Variants in LRP1B observed in about 807,000 individuals in gnomAD.
LRP1B encodes the protein LDL receptor related protein 1B.
LRP1B carries 217 observed loss-of-function variants against 556.6 expected under a neutral mutation model. The observed-to-expected ratio is 0.39, with a 90% CI of 0.35 to 0.44. LRP1B has a LOEUF of 0.44. Ranked by LOEUF, LRP1B falls within the 20% of genes least tolerant of loss-of-function variation. The pLI, the probability that LRP1B is intolerant of heterozygous loss-of-function variation, is 1.00. For synonymous variants in LRP1B, 2,047 were observed against 1,865.8 expected (o/e 1.10, Z -2.50); for missense variants, 5,053 against 5,620.8 (o/e 0.90, Z 3.23).
chr2:141,670,284 T>C (rs556704048), intron 2 of LRP1B, among the ~76,000 whole-genome samples: 6 of 152,284 alleles, frequency 3.9e-5, no homozygotes, highest in African/African-American at 1.4e-4. Flanking sequence ...TGGAACCAAG[T>C]AGGTGCTCAA....
chr2:141,203,042 C>G (rs1682108538), intron 6 of LRP1B, among the ~76,000 whole-genome samples: 1 of 151,882 alleles, frequency 6.6e-6, no homozygotes, highest in Non-Finnish European at 1.5e-5. Context: ...GAAGGAAGCA[C>G]TAAACATGGA....
intron 5 of LRP1B, among the ~76,000 whole-genome samples, chr2:141,242,438 C>A (rs551487368): frequency 6.6e-6 from 1 of 152,084 alleles, no homozygotes; most frequent in East Asian, 1.9e-4. Context: ...GATATGAAAA[C>A]GTTCCCTGAC....
intron 77 of LRP1B, among the ~76,000 whole-genome samples, chr2:140,348,116 G>C (rs1681777993): frequency 6.6e-6 from 1 of 151,862 alleles, no homozygotes; most frequent in African/African-American, 2.4e-5. Flanking sequence ...TATCTCAAAG[G>C]GGCTGTAGAA....
At chr2:141,640,719 G>A (rs572779777) in intron 2 of LRP1B, among the ~76,000 whole-genome samples, 45 of 152,190 alleles carry the variant, frequency 3.0e-4, no homozygotes, top group African/African-American at 1.0e-3. Flanking sequence ...TCTTGAACCC[G>A]GGAGGTGGAG....
intron 7 of LRP1B, among the ~76,000 whole-genome samples, chr2:141,155,495 T>A (rs900162268): frequency 1.3e-5 from 2 of 151,692 alleles, no homozygotes; most frequent in Admixed American, 6.6e-5. Context: ...TATTTTTTTT[T>A]ATTTTAAGTT....
chr2:140,496,913 ATTTATTTATTT>A (rs897068437), intron 55 of LRP1B, among the ~76,000 whole-genome samples: 1 of 150,284 alleles, frequency 6.7e-6, no homozygotes, highest in African/African-American at 2.4e-5. Context: ...TTATTTATTT[ATTTATTTATTT>A]ATTTATTTAT....
intron 1 of LRP1B, among the ~76,000 whole-genome samples, chr2:142,102,749 C>T (rs1250435522): frequency 6.6e-6 from 1 of 151,642 alleles, no homozygotes; most frequent in Non-Finnish European, 1.5e-5. Flanking sequence ...TAAATTTATT[C>T]TATGTGTCCA....
chr2:141,189,744 CTAATTT>C (rs1246023046), intron 6 of LRP1B, among the ~76,000 whole-genome samples: 2 of 152,056 alleles, frequency 1.3e-5, no homozygotes, highest in African/African-American at 4.8e-5. Flanking sequence ...TTTATCATAT[CTAATTT>C]TAATTAACTG....
At chr2:140,602,371 A>G (rs1682706549) in intron 41 of LRP1B, among the ~76,000 whole-genome samples, 1 of 152,166 alleles carries the variant, frequency 6.6e-6, no homozygotes, top group East Asian at 1.9e-4. Context: ...CTAGGGTAAC[A>G]TAAGTAGCTG....
chr2:140,639,516 C>A (rs1173990276), intron 41 of LRP1B, among the ~76,000 whole-genome samples: 1 of 152,110 alleles, frequency 6.6e-6, no homozygotes, highest in African/African-American at 2.4e-5. Context: ...GAGCTTCATT[C>A]GAATAGGTCA....
chr2:140,929,808 C>T lies in LRP1B; in HGVS notation c.3137-6661G>A, dbSNP rs1423558123. On this transcript the variant is annotated intron_variant, in intron 20 of 90. Transcript: ENST00000389484. Reference sequence around the variant, plus strand: ...CACACACACACACAGTTTTACTTCCCACTTCTCATTCTACTTCCTTACTAT... The same window carrying T: ...CACACACACACACAGTTTTACTTCCTACTTCTCATTCTACTTCCTTACTAT... Among the ~76,000 whole-genome samples the T allele has an allele frequency of 3.7e-5, 5 of 136,122 alleles. No individual in the cohort carries two copies. The Admixed American group carries it at 3.7e-4, about 10-fold the overall frequency. 89.3% of individuals were successfully genotyped at this position (136,122 alleles called of 152,430 possible).
intron 43 of LRP1B, among the ~76,000 whole-genome samples, chr2:140,592,124 T>C (rs766693608): frequency 2.8e-4 from 42 of 152,178 alleles, no homozygotes; most frequent in Non-Finnish European, 4.9e-4. Context: ...ATATATCTCC[T>C]TTATATTATA....
At chr2:141,813,377 C>T (rs1696422706) in intron 1 of LRP1B, among the ~76,000 whole-genome samples, 1 of 151,942 alleles carries the variant, frequency 6.6e-6, no homozygotes, top group Non-Finnish European at 1.5e-5. Context: ...GAGAATATGA[C>T]ATTTGAATAA....
chr2:141,295,413 CACTG>C (rs1377801880), intron 3 of LRP1B, among the ~76,000 whole-genome samples: 3 of 152,152 alleles, frequency 2.0e-5, no homozygotes, highest in African/African-American at 4.8e-5. Context: ...CTTTACATCA[CACTG>C]ACTATCTAAA....
intron 84 of LRP1B, among the ~76,000 whole-genome samples, chr2:140,275,801 G>A (rs529691360): frequency 4.1e-4 from 62 of 151,978 alleles, no homozygotes; most frequent in East Asian, 1.2e-3. Flanking sequence ...CTCATTGAGC[G>A]TCACAGACGA....
At chr2:141,016,483 T>C (rs1308840819) in intron 12 of LRP1B, among the ~76,000 whole-genome samples, 1 of 152,090 alleles carries the variant, frequency 6.6e-6, no homozygotes, top group Middle Eastern at 3.2e-3. Flanking sequence ...CTGATGCAAA[T>C]CATCTATGTT....
intron 3 of LRP1B, among the ~76,000 whole-genome samples, chr2:141,355,907 T>C (rs1688610713): frequency 2.0e-5 from 3 of 152,160 alleles, no homozygotes; most frequent in Non-Finnish European, 4.4e-5. Context: ...ATATTTGTCA[T>C]GCTTTTTGAC....
At chr2:140,924,710 C>A (rs903103475) in intron 20 of LRP1B, among the ~76,000 whole-genome samples, 5 of 152,076 alleles carry the variant, frequency 3.3e-5, no homozygotes, top group Admixed American at 6.6e-5. Context: ...CCTCCAAAAT[C>A]AAAAACTTTA....
chr2:140,273,342 T>A (rs1682544487), intron 85 of LRP1B, among the ~76,000 whole-genome samples: 2 of 152,074 alleles, frequency 1.3e-5, no homozygotes, highest in Admixed American at 6.6e-5. Context: ...TTTGGACGCA[T>A]GTTTCACTTT....
Sources: gnomAD v4.1 joint callset for allele counts (sites outside exome capture counted in the v4.1 genomes callset) on GRCh38, gnomAD v4.1.1 for gene constraint, MANE v1.5 for transcripts, NCBI Gene and HGNC (gene_info 2026-07-23, HGNC 2026-07-21) for gene names.